Variants in MEGF10 observed in about 807,000 individuals in gnomAD.
The protein encoded by MEGF10 is multiple epidermal growth factor-like domains protein 10.
A neutral mutation model predicts 147.5 loss-of-function variants in MEGF10; 86 were observed. The ratio of observed to expected loss-of-function variants is 0.58; its 90% CI spans 0.49 to 0.70. The LOEUF (loss-of-function observed/expected upper bound fraction) is 0.70, where lower values mean the gene tolerates loss of function less well. Ranked by LOEUF, MEGF10 falls within the 30% of genes least tolerant of loss-of-function variation. The probability of loss-of-function intolerance (pLI) is 0.00; values close to 1 mark genes in which losing one functional copy is unlikely to be tolerated. For synonymous variants in MEGF10, 478 were observed against 525.5 expected, an observed-to-expected ratio of 0.91 and a Z score of 1.24; for missense variants, 1,329 against 1,487.3, an observed-to-expected ratio of 0.89 and a Z score of 1.75.
At chr5:127,380,769 G>A (rs999741765) in intron 5 of MEGF10, among the ~76,000 whole-genome samples, 2 of 151,946 alleles carry the variant, frequency 1.3e-5, no homozygotes, top group East Asian at 1.9e-4. Context: ...CGCCCGCCTC[G>A]GCCTCCCAAA....
At chr5:127,398,584 G>T in intron 6 of MEGF10, 92 bp from the exon 7 acceptor site, 2 of 1,419,440 alleles carry the variant, frequency 1.4e-6, no homozygotes, top group Admixed American at 1.8e-5. Context: ...AACACAGAAA[G>T]CTTGTCTATT....
chr5:127,363,826 C>T (rs1363556445), intron 4 of MEGF10, among the ~76,000 whole-genome samples: 2 of 152,162 alleles, frequency 1.3e-5, no homozygotes, highest in Non-Finnish European at 2.9e-5. Flanking sequence ...CTAGCATTCT[C>T]AAGCTCTTTC....
In MEGF10 at chr5:127,443,021, T is replaced by C; in HGVS notation, c.2386T>C (p.Tyr796His). The stretch of plus-strand genomic sequence containing the variant: ...AGAGTGCCCTTCAGGAACATATGGC[T>C]ATGGCTGTCGCCAGATATGTGATTG... ...EQKCPSGTYGYGCRQICDCLN... is the reference protein window; with the variant it reads ...EQKCPSGTYGHGCRQICDCLN... The change falls in exon 19 of 25, where the codon TAT (tyrosine) becomes CAT (histidine). Residue 796 changes from tyrosine to histidine, a missense_variant. Tyr to His is a moderately conservative substitution (Grantham distance 83). This residue lies in a region of MEGF10 where 980 missense variants were observed against 1,085.9 expected (regional missense o/e 0.90). Coordinates refer to ENST00000503335, the MANE Select transcript of MEGF10 (RefSeq NM_001256545.2). 6.2e-7 allele frequency: 1 copy of C among 1,613,486 alleles called. No homozygotes were observed. Among genetic ancestry groups the C allele is most frequent in the Non-Finnish European group, 8.5e-7 (1 of 1,179,556 alleles).
At chr5:127,283,376 T>C in the MEGF10 span, among the ~76,000 whole-genome samples, 6 of 152,236 alleles carry the variant, frequency 3.9e-5, no homozygotes. Context: ...GATATTCATG[T>C]CTTTACTTCT....
chr5:127,440,383 G>A (rs759158474), intron 17 of MEGF10, among the ~76,000 whole-genome samples: 2 of 152,178 alleles, frequency 1.3e-5, no homozygotes, highest in African/African-American at 2.4e-5. Flanking sequence ...ATTGGAATTT[G>A]AGTCCAGGAT....
chr5:127,389,975 C>T (rs1763583790), intron 5 of MEGF10, among the ~76,000 whole-genome samples: 1 of 151,902 alleles, frequency 6.6e-6, no homozygotes, highest in African/African-American at 2.4e-5. Flanking sequence ...TGTAAATGCC[C>T]AGCAGATAGA....
chr5:127,289,137 G>T (rs544149635), upstream of MEGF10, among the ~76,000 whole-genome samples: 7 of 152,294 alleles, frequency 4.6e-5, no homozygotes, highest in South Asian at 8.3e-4. Context: ...TCATTATCTT[G>T]ATTGAAGCAG....
At chr5:127,449,072 A>G (rs1766055786) in intron 21 of MEGF10, 27 bp from the exon 22 acceptor site, 1 of 1,613,284 alleles carries the variant, frequency 6.2e-7, no homozygotes, top group African/African-American at 1.3e-5. Context: ...TTTGTTTTTA[A>G]TCTTTCGTTG....
chr5:127,440,676 C>T (rs944177977), intron 17 of MEGF10, 63 bp from the exon 18 acceptor site: 45 of 1,570,476 alleles, frequency 2.9e-5, no homozygotes, highest in Non-Finnish European at 3.6e-5. Flanking sequence ...GTTGGAGGCA[C>T]GAGCCTCCAA....
chr5:127,388,095 G>A (rs1362917755), intron 5 of MEGF10, among the ~76,000 whole-genome samples: 1 of 152,112 alleles, frequency 6.6e-6, no homozygotes, highest in Non-Finnish European at 1.5e-5. Flanking sequence ...TAAAGCTAAT[G>A]ACATTGATAC....
At chr5:127,361,057 T>C (rs1478791136) in intron 4 of MEGF10, among the ~76,000 whole-genome samples, 1 of 151,976 alleles carries the variant, frequency 6.6e-6, no homozygotes, top group African/African-American at 2.4e-5. Context: ...GGCCTCACAG[T>C]TGGGAAGCTG....
rs201920411 is a variant in MEGF10, at chr5:127,301,854, G to T, written c.-19+10798G>T. The stretch of plus-strand genomic sequence containing the variant: ...GAATAATTAACACATCTAGGAATCA[G>T]GTCTGCTTCTCATGAAAGAATCGTT... On this transcript the variant is annotated intron_variant, in intron 1 of 24. Transcript: ENST00000503335. 8.5e-5 allele frequency among the ~76,000 whole-genome samples: 13 copies of T among 152,172 alleles called. No individual in the cohort carries two copies. The East Asian group carries it at 2.1e-3, about 25-fold the overall frequency.
intron 5 of MEGF10, among the ~76,000 whole-genome samples, chr5:127,379,262 C>A (rs1284612958): frequency 6.6e-6 from 1 of 152,042 alleles, no homozygotes; most frequent in African/African-American, 2.4e-5. Flanking sequence ...TCAGATGCCA[C>A]CCAAGTCAAT....
intron 1 of MEGF10, among the ~76,000 whole-genome samples, chr5:127,302,838 T>C (rs1391518955): frequency 6.6e-6 from 1 of 152,130 alleles, no homozygotes; most frequent in Non-Finnish European, 1.5e-5. Flanking sequence ...TGAATCCGTC[T>C]CAGAAGGAGA....
chr5:127,339,162 T>C lies in MEGF10; in HGVS notation c.159T>C (p.Asp53=), dbSNP rs1580732950. The C allele has an allele frequency of 6.2e-7, 1 of 1,612,650 alleles. No individual in the cohort carries two copies. Among genetic ancestry groups the C allele is most frequent in the Non-Finnish European group, 8.5e-7 (1 of 1,178,924 alleles). The change falls in exon 3 of 25, where the codon GAT becomes GAC. Residue 53 remains aspartate (D), a synonymous_variant. Coordinates refer to ENST00000503335, the MANE Select transcript of MEGF10 (RefSeq NM_001256545.2). ...AAGAGTCATACCCACATCCCTTTGA[T>C]CAAATTTACTACACGAGCTGCACTG... The part of the protein sequence containing the change: ...TVQESYPHPF[D]QIYYTSCTDI...
At chr5:127,316,524 G>A (rs1760554601) in intron 1 of MEGF10, among the ~76,000 whole-genome samples, 1 of 152,072 alleles carries the variant, frequency 6.6e-6, no homozygotes, top group African/African-American at 2.4e-5. Flanking sequence ...GTAATCACTG[G>A]TATTGCAATC....
At chr5:127,274,288 C>T in the MEGF10 span, among the ~76,000 whole-genome samples, 6 of 152,036 alleles carry the variant, frequency 3.9e-5, no homozygotes, top group Non-Finnish European at 5.9e-5. Context: ...CTGATCTGAA[C>T]GGAAATAATT....
the MEGF10 span, among the ~76,000 whole-genome samples, chr5:127,257,234 A>C: frequency 3.3e-4 from 50 of 151,478 alleles, no homozygotes; most frequent in African/African-American, 1.2e-3. Context: ...ACTCTTCTCC[A>C]GTGGTTAATC....
intron 9 of MEGF10, among the ~76,000 whole-genome samples, chr5:127,417,308 G>GT (rs1240296283): frequency 2.6e-5 from 4 of 152,152 alleles, no homozygotes; most frequent in East Asian, 1.9e-4. Context: ...ATTGGATGGA[G>GT]TTTTTTTAGC....
Sources: gnomAD v4.1 joint callset for allele counts (sites outside exome capture counted in the v4.1 genomes callset) on GRCh38, gnomAD v4.1.1 for gene constraint, gnomAD v4.1.1 regional missense constraint, MANE v1.5 for transcripts, NCBI Gene and HGNC (gene_info 2026-07-23, HGNC 2026-07-21) for gene names.